The following STK32B variants were observed in gnomAD, a reference collection of about 807,000 sequenced individuals.
The protein encoded by STK32B is serine/threonine-protein kinase 32B.
A neutral mutation model predicts 52.6 loss-of-function variants in STK32B; 43 were observed. That is an observed-to-expected ratio of 0.82 (90% CI 0.64 to 1.05). The LOEUF (loss-of-function observed/expected upper bound fraction) is 1.05, where lower values mean the gene tolerates loss of function less well. Ranked by LOEUF, STK32B falls within the 50% of genes least tolerant of loss-of-function variation. The probability of loss-of-function intolerance (pLI) is 0.00; values close to 1 mark genes in which losing one functional copy is unlikely to be tolerated. For missense variants in STK32B, 621 were observed against 534.6 expected (o/e 1.16, Z -1.59); for synonymous variants, 238 against 204.3 (o/e 1.17, Z -1.41).
chr4:5,490,898 T>G lies in STK32B; in HGVS notation c.1107-8047T>G, dbSNP rs1268546560. 7.2e-5 allele frequency among the ~76,000 whole-genome samples: 11 copies of G among 152,354 alleles called. No homozygotes were observed. In the East Asian group the frequency reaches 9.6e-4, roughly 13 times the overall value. The stretch of plus-strand genomic sequence containing the variant: ...TTCATCCATGTCCCTACAAAGGACA[T>G]GAACTCATCATTTTTTATGGCTGCA... On this transcript the variant is annotated intron_variant, in intron 11 of 11. Coordinates refer to ENST00000282908, the MANE Select transcript of STK32B (RefSeq NM_018401.3).
intron 1 of STK32B, among the ~76,000 whole-genome samples, chr4:5,079,249 T>C (rs1315736624): frequency 2.7e-5 from 4 of 150,402 alleles, no homozygotes. Context: ...TTCCAGTGTT[T>C]TATTTTTAGA....
At chr4:5,045,940 T>C in the STK32B span, among the ~76,000 whole-genome samples, 1 of 152,176 alleles carries the variant, frequency 6.6e-6, no homozygotes, top group Non-Finnish European at 1.5e-5. Context: ...CTTCCAACAC[T>C]ATGTTGAATA....
rs1173602222 is a variant in STK32B, at chr4:5,395,206, C to G, written c.435-3001C>G. ...GAGCTCTCACTCCAGTCTGCCAAGA[C>G]AGAGTCATATAATGTAACATAATCC... On this transcript the variant is annotated intron_variant, in intron 4 of 11. Transcript: ENST00000282908. This position sits in a 1 kb window ranked among gnomAD's most constrained non-coding sequence, Gnocchi z 4.4. 6.6e-6 allele frequency among the ~76,000 whole-genome samples: 1 copy of G among 152,222 alleles called. No homozygotes were observed. The highest frequency in any genetic ancestry group is 1.5e-5 in the Non-Finnish European group (1 of 68,044).
intron 4 of STK32B, among the ~76,000 whole-genome samples, chr4:5,371,168 C>G: frequency 6.6e-6 from 1 of 151,944 alleles, no homozygotes; most frequent in East Asian, 1.9e-4. Context: ...CTCAGAATCA[C>G]AGCAAAGACA....
At chr4:5,361,859 G>C (rs1734568585) in intron 4 of STK32B, among the ~76,000 whole-genome samples, 1 of 152,182 alleles carries the variant, frequency 6.6e-6, no homozygotes, top group Admixed American at 6.5e-5. Flanking sequence ...TAGATCATTA[G>C]GAGATGGCTA....
At chr4:5,134,849 G>T (rs2108825687) in intron 1 of STK32B, among the ~76,000 whole-genome samples, 1 of 152,332 alleles carries the variant, frequency 6.6e-6, no homozygotes, top group Middle Eastern at 3.4e-3. Context: ...GTGGACTGTG[G>T]TTTACTTTCC....
At chr4:5,309,819 GAAC>G (rs1188275037) in intron 3 of STK32B, among the ~76,000 whole-genome samples, 1 of 152,116 alleles carries the variant, frequency 6.6e-6, no homozygotes, top group Non-Finnish European at 1.5e-5. Flanking sequence ...ACATTGGTCT[GAAC>G]AACGATTTTT....
intron 3 of STK32B, among the ~76,000 whole-genome samples, chr4:5,264,036 A>G (rs1197812296): frequency 6.6e-6 from 1 of 152,198 alleles, no homozygotes; most frequent in East Asian, 1.9e-4. Flanking sequence ...GCATGAAAAT[A>G]CTGCAGTTTG....
At chr4:5,477,750 A>G (rs1460855447) in intron 11 of STK32B, among the ~76,000 whole-genome samples, 1 of 152,160 alleles carries the variant, frequency 6.6e-6, no homozygotes, top group Non-Finnish European at 1.5e-5. Flanking sequence ...AGCACGCAGC[A>G]CTTCCATTCA....
chr4:5,316,305 T>TA (rs1730725328), intron 3 of STK32B, among the ~76,000 whole-genome samples: 4 of 57,938 alleles, frequency 6.9e-5, no homozygotes, highest in African/African-American at 5.2e-4. Context: ...ATATATAATA[T>TA]ATATATTGTA....
At position 5,493,170 on chromosome 4, in the gene STK32B, G is replaced by C. The variant is rs530459280; in HGVS notation, c.1107-5775G>C. On this transcript the variant is annotated intron_variant, in intron 11 of 11. Transcript: ENST00000282908. ...GAAGGAATGGTACTAGTTCCTCCTTGTACCTCTGATAGAATTCGGCTGTGA... is the reference window on the plus strand; with the variant it reads ...GAAGGAATGGTACTAGTTCCTCCTTCTACCTCTGATAGAATTCGGCTGTGA... Among the ~76,000 whole-genome samples the C allele has an allele frequency of 5.3e-5, 8 of 152,002 alleles. No homozygotes were observed. In the South Asian group the frequency reaches 1.7e-3, roughly 32 times the overall value.
chr4:5,327,766 A>G (rs1047194157), intron 3 of STK32B, among the ~76,000 whole-genome samples: 1 of 152,218 alleles, frequency 6.6e-6, no homozygotes, highest in Non-Finnish European at 1.5e-5. Context: ...CTAAAACAAG[A>G]GAGCCTCCCT....
rs146017036 is a variant in STK32B at position 5,254,965 on chromosome 4, A to AATATATATATATAT, written c.261-76243_261-76242insATATATATATATAT. On this transcript the variant is annotated intron_variant, in intron 3 of 11. Transcript: ENST00000282908. The stretch of plus-strand genomic sequence containing the variant: ...TTATTACTAGTTGGTATCATTCACT[A>AATATATATATATAT]ATATATATATATGTTTATTGAGCAT... Among the ~76,000 whole-genome samples the AATATATATATATAT allele has an allele frequency of 2.6e-4, 37 of 144,406 alleles. 1 individual carries two copies. The highest frequency in any genetic ancestry group is 6.7e-4 in the African/African-American group (25 of 37,048). The allele number at this position is 144,406 out of a possible 152,430, so 94.7% of individuals were successfully genotyped here.
intron 3 of STK32B, among the ~76,000 whole-genome samples, chr4:5,313,925 A>G (rs1054111392): frequency 2.0e-5 from 3 of 152,248 alleles, no homozygotes; most frequent in Admixed American, 1.3e-4. Context: ...TGCTGATTAC[A>G]GAAATCAAAT....
chr4:5,271,751 ATTGTC>A (rs1163522386), intron 3 of STK32B, among the ~76,000 whole-genome samples: 1 of 143,838 alleles, frequency 7.0e-6, no homozygotes, highest in Non-Finnish European at 1.5e-5. Context: ...TAAGTATTTT[ATTGTC>A]TTTGAAGCAT....
chr4:5,176,007 C>G lies in STK32B; in HGVS notation c.260+7557C>G, dbSNP rs542046080. Among the ~76,000 whole-genome samples the G allele has an allele frequency of 4.7e-4, 72 of 152,366 alleles. No individual in the cohort carries two copies. The East Asian group carries it at 0.01, about 22-fold the overall frequency. ...ACGCAAGCCTTGGCAATGGTGGGCG[C>G]CCCTCCCCAAGCCTCGCTGTGGCCT... On this transcript the variant is annotated intron_variant, in intron 3 of 11. Coordinates refer to ENST00000282908, the MANE Select transcript of STK32B (RefSeq NM_018401.3).
intron 3 of STK32B, among the ~76,000 whole-genome samples, chr4:5,228,053 A>C (rs1024718226): frequency 6.6e-6 from 1 of 152,208 alleles, no homozygotes; most frequent in Non-Finnish European, 1.5e-5. Flanking sequence ...TGGAATATTC[A>C]TGAATAATAT....
At chr4:5,022,364 G>A in the STK32B span, among the ~76,000 whole-genome samples, 4 of 152,162 alleles carry the variant, frequency 2.6e-5, no homozygotes, top group Non-Finnish European at 4.4e-5. Flanking sequence ...AACCTACGCA[G>A]GACAGCCTGA....
chr4:5,197,527 T>G (rs1238696534), intron 3 of STK32B, among the ~76,000 whole-genome samples: 1 of 152,216 alleles, frequency 6.6e-6, no homozygotes, highest in Non-Finnish European at 1.5e-5. Context: ...TCTTTTTCAT[T>G]TATTTGCTTA....
Sources: allele counts gnomAD v4.1 joint callset (sites outside exome capture counted in the v4.1 genomes callset), GRCh38; gene constraint gnomAD v4.1.1; non-coding constraint Gnocchi (gnomAD v3.1); transcripts MANE v1.5; gene names NCBI Gene and HGNC (gene_info 2026-07-23, HGNC 2026-07-21).